The following PLAUR variants were observed in gnomAD, a reference collection of about 807,000 sequenced individuals.
PLAUR encodes plasminogen activator, urokinase receptor.
Under a neutral mutation model 33.4 loss-of-function variants are expected in PLAUR, and 22 were observed. The ratio of observed to expected loss-of-function variants is 0.66; its 90% CI spans 0.47 to 0.94. The LOEUF (loss-of-function observed/expected upper bound fraction) is 0.94, where lower values mean the gene tolerates loss of function less well. Ranked by LOEUF, PLAUR falls within the 40% of genes least tolerant of loss-of-function variation. The pLI is 0.00. For missense variants in PLAUR, 408 were observed against 434.7 expected, an observed-to-expected ratio of 0.94 and a Z score of 0.55; for synonymous variants, 148 against 167.3, an observed-to-expected ratio of 0.88 and a Z score of 0.89.
intron 3 of PLAUR, among the ~76,000 whole-genome samples, chr19:43,664,124 C>T (rs1306610019): frequency 1.3e-5 from 2 of 152,216 alleles, no homozygotes; most frequent in Admixed American, 1.3e-4. Context: ...TTAAGCACAT[C>T]TCACCGAGAC....
rs377038396 is a variant in PLAUR, at chr19:43,662,409, A to G, written c.310+2907T>C. On this transcript the variant is annotated intron_variant, in intron 3 of 6. Coordinates refer to ENST00000340093, the MANE Select transcript of PLAUR (RefSeq NM_002659.4). ...GTTTCTTGGGAGGCTGAGGCAGGAG[A>G]ATCACTTGAACCTAGGAGGCGGAGG... 4.8e-3 allele frequency among the ~76,000 whole-genome samples: 727 copies of G among 152,154 alleles called. 8 individuals carry two copies. The highest frequency in any genetic ancestry group is 0.017 in the African/African-American group (706 of 41,518).
intron 5 of PLAUR, among the ~76,000 whole-genome samples, chr19:43,653,814 T>C (rs186948391): frequency 2.0e-5 from 3 of 151,974 alleles, no homozygotes; most frequent in African/African-American, 7.2e-5. Flanking sequence ...ACCCCATCTC[T>C]ACAAAAGTTT....
At chr19:43,654,541 C>T (rs531724080) in intron 5 of PLAUR, among the ~76,000 whole-genome samples, 1 of 152,098 alleles carries the variant, frequency 6.6e-6, no homozygotes, top group East Asian at 1.9e-4. Flanking sequence ...TCAAGACCAG[C>T]CTGGGCAACA....
Position 43,655,461 on chromosome 19 carries a change from G to A in PLAUR, c.585C>T (p.Thr195=), listed in dbSNP as rs1050621485. ...DTFHFLKCCN[T]TKCNEGPILE... ...TACTTGGGCCCTCGTTGCATTTGGTGGTGTTGCAGCATTTCAGGAAGTGGA... is the reference window on the plus strand; with the variant it reads ...TACTTGGGCCCTCGTTGCATTTGGTAGTGTTGCAGCATTTCAGGAAGTGGA... The change falls in exon 5 of 7, where the codon ACC becomes ACT. Residue 195 remains threonine (T), a synonymous_variant. Coordinates refer to ENST00000340093, the MANE Select transcript of PLAUR (RefSeq NM_002659.4). 6.2e-7 allele frequency: 1 copy of A among 1,614,182 alleles called. No individual in the cohort carries two copies. The highest frequency in any genetic ancestry group is 8.5e-7 in the Non-Finnish European group (1 of 1,180,018).
At chr19:43,651,638 G>T in intron 6 of PLAUR, 1 of 190,456 alleles carries the variant, frequency 5.3e-6, no homozygotes, top group Non-Finnish European at 9.7e-6. Context: ...GTTTCACCAT[G>T]GTGGCCAGGC....
intron 1 of PLAUR, among the ~76,000 whole-genome samples, chr19:43,669,694 C>G (rs985175662): frequency 3.3e-5 from 5 of 151,536 alleles, no homozygotes; most frequent in African/African-American, 1.2e-4. Flanking sequence ...CGCCTGTAAT[C>G]CCAGCTACCC....
Position 43,656,533 on chromosome 19 carries a change from G to A in PLAUR, c.418C>T (p.Pro140Ser). ...ACCACATCCAGGCACTGTTCTTCAGGGCTGCGGCACTGCAGGCTCTGGTGC... is the reference window on the plus strand; with the variant it reads ...ACCACATCCAGGCACTGTTCTTCAGAGCTGCGGCACTGCAGGCTCTGGTGC... ...GRHQSLQCRS[P>S]EEQCLDVVTH... Residue 140 changes from proline to serine, a missense_variant, in exon 4 of 7, where the codon CCT (proline) becomes TCT (serine). By Grantham distance (74) the Pro-to-Ser change is moderately conservative. Coordinates refer to ENST00000340093, the MANE Select transcript of PLAUR (RefSeq NM_002659.4). 1 of 1,611,386 alleles carries A rather than the reference G, an allele frequency of 6.2e-7. No individual in the cohort carries two copies. The highest frequency in any genetic ancestry group is 8.5e-7 in the Non-Finnish European group (1 of 1,178,372).
chr19:43,652,451 TTCCAC>T, intron 5 of PLAUR, 80 bp from the exon 6 acceptor site: 1 of 1,365,306 alleles, frequency 7.3e-7, no homozygotes, highest in Admixed American at 1.8e-5. Context: ...TCCCCAGGAC[TTCCAC>T]TCCGAGCCAG....
At chr19:43,646,675 G>A (rs1973829380), downstream of PLAUR, 2 of 591,996 alleles carry the variant, frequency 3.4e-6, no homozygotes. Flanking sequence ...AGAGGCAGAA[G>A]TACAGACCTC....
At chr19:43,655,399 T>C in intron 5 of PLAUR, 40 bp downstream of exon 5, 1 of 1,603,320 alleles carries the variant, frequency 6.2e-7, no homozygotes, top group South Asian at 1.1e-5. Flanking sequence ...TGCATGCCCC[T>C]GCCCGACCCC....
Position 43,668,347 on chromosome 19 carries a change from ATCGTCGAGGT to A in PLAUR, c.56-666_56-657del, listed in dbSNP as rs376471718. On this transcript the variant is annotated intron_variant, in intron 1 of 6. Coordinates refer to ENST00000340093, the MANE Select transcript of PLAUR (RefSeq NM_002659.4). ...TAGGTTTTGGCCCCGCTCCAGACTC[ATCGTCGAGGT>A]TCTAGCCCCGCCCTTTAGCTCTTCC... 124 of 977,134 alleles carry A rather than the reference ATCGTCGAGGT, an allele frequency of 1.3e-4. No individual in the cohort carries two copies. The African/African-American group carries it at 1.9e-3, about 15-fold the overall frequency. 60.5% of individuals were successfully genotyped at this position (977,134 alleles called of 1,614,324 possible). A position where few individuals can be genotyped will look rare whatever the true frequency, so the allele number is the denominator to read the frequency against.
chr19:43,652,789 T>A (rs1974051834), intron 5 of PLAUR, among the ~76,000 whole-genome samples: 2 of 152,120 alleles, frequency 1.3e-5, no homozygotes, highest in Non-Finnish European at 2.9e-5. Flanking sequence ...TAGCTGGGAC[T>A]ACAGGCGTGC....
Position 43,648,914 on chromosome 19 carries a change from C to A in PLAUR, c.984G>T (p.Trp328Cys). The change falls in exon 7 of 7, where the codon TGG becomes TGT. Residue 328 changes from tryptophan to cysteine, a missense_variant. Physicochemically the swap from Trp to Cys is radical, Grantham distance 215. Transcript: ENST00000340093. Reference sequence around the variant, plus strand: ...TTTAGGTCCAGAGGAGAGTGCCTCCCCACAGTCTGGCAGTCATTAGCAGGG... The same window carrying A: ...TTTAGGTCCAGAGGAGAGTGCCTCCACACAGTCTGGCAGTCATTAGCAGGG... ...TITLLMTARL[W>C]GGTLLWT The A allele has an allele frequency of 6.2e-7, 1 of 1,613,902 alleles. No homozygotes were observed. The highest frequency in any genetic ancestry group is 1.1e-5 in the South Asian group (1 of 91,062).
At chr19:43,652,856 A>C (rs1035876528) in intron 5 of PLAUR, among the ~76,000 whole-genome samples, 1 of 151,552 alleles carries the variant, frequency 6.6e-6, no homozygotes, top group Non-Finnish European at 1.5e-5. Flanking sequence ...TTGACACATT[A>C]CTCAGGCTGG....
At chr19:43,654,271 C>G (rs533397273) in intron 5 of PLAUR, among the ~76,000 whole-genome samples, 28 of 152,096 alleles carry the variant, frequency 1.8e-4, no homozygotes, top group African/African-American at 6.8e-4. Flanking sequence ...GCCTGGGTGG[C>G]AGAGCAAGAC....
At chr19:43,664,317 G>C (rs1439250507) in intron 3 of PLAUR, among the ~76,000 whole-genome samples, 3 of 152,128 alleles carry the variant, frequency 2.0e-5, no homozygotes, top group Non-Finnish European at 4.4e-5. Flanking sequence ...GACTAGACTG[G>C]CCTTACCCTA....
chr19:43,669,715 G>A (rs755735480), intron 1 of PLAUR, among the ~76,000 whole-genome samples: 10 of 150,398 alleles, frequency 6.6e-5, no homozygotes, highest in Non-Finnish European at 1.3e-4. Context: ...AGGAGGCTGA[G>A]GCAGGAGAAT....
In PLAUR at chr19:43,665,478, C is replaced by T; in HGVS notation, c.167-19G>A. The T allele has an allele frequency of 6.2e-7, 1 of 1,612,162 alleles. No individual in the cohort carries two copies. ...TCTCCTTCTGCAAGGAGGGGATCTT[C>T]ATTACCCCAGAGGCTCCTCTCAGCT... On this transcript the variant is annotated intron_variant, in intron 2 of 6. Coordinates refer to ENST00000340093, the MANE Select transcript of PLAUR (RefSeq NM_002659.4).
chr19:43,651,279 G>A (rs1470379150), intron 6 of PLAUR, among the ~76,000 whole-genome samples: 2 of 151,904 alleles, frequency 1.3e-5, no homozygotes, highest in Non-Finnish European at 2.9e-5. Context: ...GTTTCACCAT[G>A]TTGGTCAGGC....
Sources: allele counts gnomAD v4.1 joint callset (sites outside exome capture counted in the v4.1 genomes callset), GRCh38; gene constraint gnomAD v4.1.1; transcripts MANE v1.5; gene names NCBI Gene and HGNC (gene_info 2026-07-23, HGNC 2026-07-21).